Variants in RPGRIP1L observed in about 807,000 individuals in gnomAD.
RPGRIP1L encodes protein fantom.
RPGRIP1L carries 131 observed loss-of-function variants against 160.4 expected under a neutral mutation model. The ratio of observed to expected loss-of-function variants is 0.82; its 90% CI spans 0.71 to 0.94. RPGRIP1L has a LOEUF of 0.94. Among genes scored for constraint, RPGRIP1L ranks in the 40% least tolerant of loss-of-function variants. The pLI is 0.00. For synonymous variants in RPGRIP1L, 510 were observed against 515.8 expected (o/e 0.99, Z 0.15); for missense variants, 1,522 against 1,535.8 (o/e 0.99, Z 0.15).
chr16:53,638,492 G>T, intron 19 of RPGRIP1L, 81 bp from the exon 20 acceptor site: 1 of 760,322 alleles, frequency 1.3e-6, no homozygotes, highest in South Asian at 1.6e-5. Flanking sequence ...TATACATATT[G>T]AACTACTAAA....
intron 6 of RPGRIP1L, among the ~76,000 whole-genome samples, chr16:53,678,559 C>A (rs1439434446): frequency 1.3e-5 from 2 of 152,110 alleles, no homozygotes; most frequent in African/African-American, 2.4e-5. Flanking sequence ...TCCCCTCCCC[C>A]ACCCTTTGCC....
chr16:53,648,622 G>GCACACACACACACACA (rs1372621947), intron 16 of RPGRIP1L, among the ~76,000 whole-genome samples: 8 of 102,220 alleles, frequency 7.8e-5, no homozygotes, highest in South Asian at 3.0e-4. Context: ...GTGCGCGCGC[G>GCACACACACACACACA]CGCGCACACA....
chr16:53,613,557 T>A (rs538236960), intron 24 of RPGRIP1L, among the ~76,000 whole-genome samples: 10 of 152,282 alleles, frequency 6.6e-5, no homozygotes, highest in Admixed American at 6.5e-4. Flanking sequence ...CCTCAAGTGA[T>A]CCTACTGTCT....
rs1170190799 is a variant in RPGRIP1L, at chr16:53,637,791, C to G, written c.3124G>C (p.Asp1042His). The G allele has an allele frequency of 6.2e-7, 1 of 1,613,200 alleles. No individual in the cohort carries two copies. Among genetic ancestry groups the G allele is most frequent in the Non-Finnish European group, 8.5e-7 (1 of 1,179,770 alleles). Reference sequence around the variant, plus strand: ...CCTTCAGATAGTAAAGACACATCATCTTTTCCTTGCTGCATTTTCTCAGTA... The same window carrying G: ...CCTTCAGATAGTAAAGACACATCATGTTTTCCTTGCTGCATTTTCTCAGTA... ...ENTEKMQQGK[D>H]DVSLLSEGQL... Residue 1042 changes from aspartate to histidine, a missense_variant, in exon 21 of 27, where the codon GAT (aspartate) becomes CAT (histidine). Asp to His is a moderately conservative substitution (Grantham distance 81). Coordinates refer to ENST00000647211, the MANE Select transcript of RPGRIP1L (RefSeq NM_015272.5).
In RPGRIP1L at chr16:53,601,017, A is replaced by C. The variant is rs1963353995; in HGVS notation, c.*1059T>G. 1 of 152,688 alleles carries C rather than the reference A, an allele frequency of 6.5e-6. No individual in the cohort carries two copies. Among genetic ancestry groups the C allele is most frequent in the African/African-American group, 2.4e-5 (1 of 41,468 alleles). 9.5% of individuals were successfully genotyped at this position (152,688 alleles called of 1,614,324 possible). Reference sequence around the variant, plus strand: ...AATGACAAATAAAAAAGTAAATTAAAAAATGAAATGCATTATATCCTAGAC... The same window carrying C: ...AATGACAAATAAAAAAGTAAATTAACAAATGAAATGCATTATATCCTAGAC... On this transcript the variant is annotated 3_prime_UTR_variant, in exon 27 of 27. Transcript: ENST00000647211.
chr16:53,641,605 C>G, intron 17 of RPGRIP1L, 130 bp from the exon 18 acceptor site: 1 of 795,936 alleles, frequency 1.3e-6, no homozygotes, highest in South Asian at 1.7e-5. Context: ...GGTGGTTGTA[C>G]CCCCTACTTT....
intron 22 of RPGRIP1L, among the ~76,000 whole-genome samples, chr16:53,626,708 G>A (rs1965203261): frequency 6.6e-6 from 1 of 151,708 alleles, no homozygotes. Context: ...GGGAGGCTGA[G>A]GCAGGAGAAT....
At position 53,678,940 on chromosome 16, in the gene RPGRIP1L, TC is replaced by T. The variant is rs915999513; in HGVS notation, c.777-3819del. ...CAGATAACAATCAGCAGCAAGGCTA[TC>T]CCCTATGACTAGGGCTACAGAAGGC... On this transcript the variant is annotated intron_variant, in intron 6 of 26. Transcript: ENST00000647211. 5.8e-4 allele frequency among the ~76,000 whole-genome samples: 89 copies of T among 152,290 alleles called. 1 individual carries two copies. The highest frequency in any genetic ancestry group is 2.1e-3 in the African/African-American group (86 of 41,574).
At position 53,602,122 on chromosome 16, in the gene RPGRIP1L, G is replaced by C; in HGVS notation, c.3902C>G (p.Ala1301Gly). ...KLRVTVEALH[A>G]LQSVYKQYRD... ...GTATTGCTTGTAGACAGACTGGAGGGCATGGAGAGCTTCGACTGTTACCCT... is the reference window on the plus strand; with the variant it reads ...GTATTGCTTGTAGACAGACTGGAGGCCATGGAGAGCTTCGACTGTTACCCT... The change falls in exon 27 of 27, where the codon GCC (alanine) becomes GGC (glycine). Residue 1301 changes from alanine (A) to glycine (G), a missense_variant. Ala to Gly is a moderately conservative substitution (Grantham distance 60). Transcript: ENST00000647211. The C allele has an allele frequency of 6.2e-7, 1 of 1,613,848 alleles. No homozygotes were observed. Among genetic ancestry groups the C allele is most frequent in the Non-Finnish European group, 8.5e-7 (1 of 1,179,804 alleles).
intron 22 of RPGRIP1L, among the ~76,000 whole-genome samples, chr16:53,624,396 CA>C (rs11322448): frequency 0.39 from 58,980 of 151,756 alleles, 13,286 homozygotes; most frequent in African/African-American, 0.61. Context: ...ATTAAAAATA[CA>C]AAAAAATTAG....
At chr16:53,613,247 A>G (rs2150946358) in intron 24 of RPGRIP1L, among the ~76,000 whole-genome samples, 1 of 152,106 alleles carries the variant, frequency 6.6e-6, no homozygotes, top group East Asian at 1.9e-4. Flanking sequence ...CTTGATTTCA[A>G]TTCTTTTTGG....
intron 10 of RPGRIP1L, 138 bp from the exon 11 acceptor site, chr16:53,659,016 C>T: frequency 1.4e-6 from 1 of 712,526 alleles, no homozygotes; most frequent in Non-Finnish European, 2.4e-6. Context: ...GAGCTAGCAC[C>T]TCGACAAAGA....
In RPGRIP1L at chr16:53,601,816, T is replaced by A; in HGVS notation, c.*260A>T. 1 of 405,862 alleles carries A rather than the reference T, an allele frequency of 2.5e-6. No individual in the cohort carries two copies. Among genetic ancestry groups the A allele is most frequent in the South Asian group, 3.4e-5 (1 of 29,300 alleles). 25.1% of individuals were successfully genotyped at this position (405,862 alleles called of 1,614,324 possible). A position where few individuals can be genotyped will look rare whatever the true frequency, so the allele number is the denominator to read the frequency against. ...AAATAGACTTTCTCACGCTATCACG[T>A]AGGTATAAATTATTGAGAAGGTACT... On this transcript the variant is annotated 3_prime_UTR_variant, in exon 27 of 27. Transcript: ENST00000647211.
At chr16:53,630,447 T>C (rs1290416769) in intron 22 of RPGRIP1L, among the ~76,000 whole-genome samples, 1 of 152,134 alleles carries the variant, frequency 6.6e-6, no homozygotes, top group Non-Finnish European at 1.5e-5. Context: ...TTTTCAAACA[T>C]TGTTATATAT....
intron 10 of RPGRIP1L, among the ~76,000 whole-genome samples, chr16:53,663,711 T>A (rs1365465541): frequency 6.6e-6 from 1 of 151,958 alleles, no homozygotes; most frequent in East Asian, 1.9e-4. Flanking sequence ...AAAGAAAAAG[T>A]CATAAAAAAA....
chr16:53,605,688 G>T, intron 25 of RPGRIP1L, 74 bp from the exon 26 acceptor site: 1 of 1,477,690 alleles, frequency 6.8e-7, no homozygotes, highest in Non-Finnish European at 9.4e-7. Flanking sequence ...TCCCAAATGG[G>T]GTGTTATCAC....
intron 4 of RPGRIP1L, among the ~76,000 whole-genome samples, chr16:53,688,844 A>G (rs1955248403): frequency 1.3e-5 from 2 of 151,996 alleles, no homozygotes; most frequent in African/African-American, 4.8e-5. Context: ...AAAGTAGTCA[A>G]TATCTATTGC....
Position 53,687,777 on chromosome 16 carries a change from A to T in RPGRIP1L, c.632+86T>A. 2 of 831,122 alleles carry T rather than the reference A, an allele frequency of 2.4e-6. 1 individual carries two copies. The highest frequency in any genetic ancestry group is 2.7e-5 in the South Asian group (2 of 73,290). 51.5% of individuals were successfully genotyped at this position (831,122 alleles called of 1,614,324 possible). A position where few individuals can be genotyped will look rare whatever the true frequency, so the allele number is the denominator to read the frequency against. ...TATTTCAGTGGAGCAAACTGTTTAC[A>T]TATAAATAAAGGAAAGGGAAGGATA... On this transcript the variant is annotated intron_variant, in intron 5 of 26. Transcript: ENST00000647211.
intron 24 of RPGRIP1L, 148 bp from the exon 25 acceptor site, chr16:53,611,199 G>C: frequency 1.5e-6 from 1 of 660,304 alleles, no homozygotes; most frequent in Non-Finnish European, 2.7e-6. Context: ...AACAGCTCCA[G>C]AAACCAGAAT....
Sources: allele counts gnomAD v4.1 joint callset (sites outside exome capture counted in the v4.1 genomes callset), GRCh38; gene constraint gnomAD v4.1.1; transcripts MANE v1.5; gene names NCBI Gene and HGNC (gene_info 2026-07-23, HGNC 2026-07-21).